NTRK2: variants seen among roughly 807,000 people sequenced by gnomAD.
NTRK2 encodes the protein neurotrophic receptor tyrosine kinase 2.
A neutral mutation model predicts 94.5 loss-of-function variants in NTRK2; 13 were observed. The observed-to-expected ratio is 0.14, with a 90% confidence interval of 0.09 to 0.22. The LOEUF (loss-of-function observed/expected upper bound fraction) is 0.22. NTRK2 is among the 10% of genes least tolerant of loss of function. The pLI, the probability that NTRK2 is intolerant of heterozygous loss-of-function variation, is 1.00. For synonymous variants in NTRK2, 372 were observed against 407.4 expected (o/e 0.91, Z 1.05); for missense variants, 639 against 1,071.2 (o/e 0.60, Z 5.63).
intron 14 of NTRK2, among the ~76,000 whole-genome samples, chr9:84,880,176 G>T (rs60906968): frequency 0.13 from 19,054 of 152,098 alleles, 1,820 homozygotes; most frequent in African/African-American, 0.26. Flanking sequence ...TTCACTCCTC[G>T]GAGATTAGCA....
At chr9:84,704,641 T>C (rs2060935486) in intron 4 of NTRK2, among the ~76,000 whole-genome samples, 1 of 152,182 alleles carries the variant, frequency 6.6e-6, no homozygotes. Context: ...CTTACAGTTT[T>C]CTGAAGAAGC....
At chr9:84,841,587 C>T (rs2074187828) in intron 12 of NTRK2, among the ~76,000 whole-genome samples, 1 of 152,174 alleles carries the variant, frequency 6.6e-6, no homozygotes. Flanking sequence ...GAATGTTTTT[C>T]TCCTCTCCTT....
chr9:84,995,282 G>A (rs2133354760), intron 17 of NTRK2, among the ~76,000 whole-genome samples: 1 of 151,970 alleles, frequency 6.6e-6, no homozygotes, highest in South Asian at 2.1e-4. Context: ...ACTACATACT[G>A]TTTTGCTTTT....
chr9:84,669,378 A>G (rs951779221), upstream of NTRK2: 3 of 152,802 alleles, frequency 2.0e-5, no homozygotes, highest in Middle Eastern at 3.4e-3. The surrounding 1 kb of genome is among the most constrained non-coding windows in gnomAD (Gnocchi z 4.1). Context: ...TGTGGTGTGA[A>G]TTAGGGACCG....
At position 84,727,871 on chromosome 9, in the gene NTRK2, G is replaced by C. The variant is rs138437877; in HGVS notation, c.1071G>C (p.Gly357=). Residue 357 remains glycine (G), a synonymous_variant, in exon 9 of 19, where the codon GGG becomes GGC. Coordinates refer to ENST00000277120, the MANE Select transcript of NTRK2 (RefSeq NM_006180.6). ...QLDNPTHMNN[G]DYTLIAKNEY... ...ATAATCCCACTCACATGAACAATGG[G>C]GACTACACTCTAATAGCCAAGAATG... is the stretch of plus-strand genomic sequence containing the variant. 172 of 1,613,988 alleles carry C rather than the reference G, an allele frequency of 1.1e-4. 1 individual carries two copies. Among genetic ancestry groups the C allele is most frequent in the Admixed American group, 1.5e-4 (9 of 59,998 alleles).
chr9:84,881,033 G>C (rs1021220138), intron 14 of NTRK2, among the ~76,000 whole-genome samples: 2 of 152,196 alleles, frequency 1.3e-5, no homozygotes, highest in Admixed American at 6.5e-5. Context: ...CAGCCCTTTG[G>C]GGTGGAGATG....
At chr9:84,935,144 A>G (rs1388011594) in intron 15 of NTRK2, among the ~76,000 whole-genome samples, 1 of 152,232 alleles carries the variant, frequency 6.6e-6, no homozygotes, top group African/African-American at 2.4e-5. Context: ...CTCCAAATGA[A>G]TATGGACATG....
At chr9:84,828,282 C>G (rs1039900224) in intron 12 of NTRK2, among the ~76,000 whole-genome samples, 2 of 152,206 alleles carry the variant, frequency 1.3e-5, no homozygotes, top group Non-Finnish European at 2.9e-5. Context: ...GTGCACACCT[C>G]TAACAGGCCC....
At chr9:84,683,342 G>GC (rs1471592083) in intron 2 of NTRK2, among the ~76,000 whole-genome samples, 2 of 151,626 alleles carry the variant, frequency 1.3e-5, no homozygotes, top group Non-Finnish European at 2.9e-5. Context: ...CCCTCCCCTT[G>GC]CCCCCCAACC....
In NTRK2 at chr9:84,877,335, G is replaced by A. The variant is rs75202246; in HGVS notation, c.1633+9904G>A. On this transcript the variant is annotated intron_variant, in intron 14 of 18. Coordinates refer to ENST00000277120, the MANE Select transcript of NTRK2 (RefSeq NM_006180.6). ...TGAGGAAGAACTTTGGTGTGAGGGC[G>A]GAGCTATGTGAAGGGTTGCTGGGTT... The A allele has an allele frequency of 2.2e-3, 2,308 of 1,066,098 alleles. 39 individuals are homozygous for A. In the Admixed American group the frequency reaches 0.041, roughly 19 times the overall value. The allele number at this position is 1,066,098 out of a possible 1,614,324, so 66.0% of individuals were successfully genotyped here.
chr9:84,688,467 G>T (rs997229167), intron 2 of NTRK2, among the ~76,000 whole-genome samples: 2 of 152,134 alleles, frequency 1.3e-5, no homozygotes, highest in African/African-American at 4.8e-5. Context: ...GGGGCTCCAT[G>T]TTCCCAACAA....
At chr9:84,916,333 A>G (rs780279865) in intron 14 of NTRK2, among the ~76,000 whole-genome samples, 1 of 152,180 alleles carries the variant, frequency 6.6e-6, no homozygotes, top group East Asian at 1.9e-4. Flanking sequence ...GCTAAAATAT[A>G]GTTTAGGAAA....
rs1320778577 is a variant in NTRK2, at chr9:84,669,836, A to T, written c.-425A>T. ...CTCTACGCGCTCAGTCCCCGGCGGT[A>T]GCAGGAGCCTGGACCCAGGCGCCGC... On this transcript the variant is annotated 5_prime_UTR_variant, in exon 1 of 19. Coordinates refer to ENST00000277120, the MANE Select transcript of NTRK2 (RefSeq NM_006180.6). The surrounding 1 kb of genome is among the most constrained non-coding windows in gnomAD (Gnocchi z 4.1). 6.6e-6 allele frequency: 1 copy of T among 152,540 alleles called. No homozygotes were observed. Among genetic ancestry groups the T allele is most frequent in the African/African-American group, 2.4e-5 (1 of 41,426 alleles). The allele number at this position is 152,540 out of a possible 1,614,324, so 9.4% of individuals were successfully genotyped here.
intron 12 of NTRK2, among the ~76,000 whole-genome samples, chr9:84,829,441 A>G (rs911659614): frequency 2.6e-5 from 4 of 152,274 alleles, no homozygotes; most frequent in African/African-American, 7.2e-5. Context: ...GGTTCACTCT[A>G]TGGACTCCTA....
intron 14 of NTRK2, among the ~76,000 whole-genome samples, chr9:84,880,251 G>A (rs2076214621): frequency 6.6e-6 from 1 of 152,130 alleles, no homozygotes; most frequent in Non-Finnish European, 1.5e-5. Flanking sequence ...ACTGTGTTTG[G>A]GAGCATGTTG....
chr9:84,866,184 A>G (rs2075584385), intron 13 of NTRK2, among the ~76,000 whole-genome samples: 1 of 152,234 alleles, frequency 6.6e-6, no homozygotes, highest in Non-Finnish European at 1.5e-5. Context: ...TGTAGACAAA[A>G]GTGGTGCAGA....
At chr9:84,885,399 T>C (rs1384179911) in intron 14 of NTRK2, among the ~76,000 whole-genome samples, 1 of 152,188 alleles carries the variant, frequency 6.6e-6, no homozygotes, top group East Asian at 1.9e-4. Context: ...ACAAACACAA[T>C]TTCAGCGGGT....
intron 17 of NTRK2, among the ~76,000 whole-genome samples, chr9:84,979,883 G>T (rs1289655390): frequency 6.6e-6 from 1 of 152,226 alleles, no homozygotes; most frequent in Non-Finnish European, 1.5e-5. Context: ...GGGTTCAGAT[G>T]ATTGTTAGCA....
At chr9:84,679,752 C>A (rs2059280245) in intron 2 of NTRK2, among the ~76,000 whole-genome samples, 1 of 152,138 alleles carries the variant, frequency 6.6e-6, no homozygotes, top group Non-Finnish European at 1.5e-5. Flanking sequence ...CAAACAAGAG[C>A]CTGCTTCAGT....
Sources: allele counts gnomAD v4.1 joint callset (sites outside exome capture counted in the v4.1 genomes callset), GRCh38; gene constraint gnomAD v4.1.1; non-coding constraint Gnocchi (gnomAD v3.1); transcripts MANE v1.5; gene names NCBI Gene and HGNC (gene_info 2026-07-23, HGNC 2026-07-21).